Variants in SPATS2 observed in about 807,000 individuals in gnomAD.
SPATS2 encodes spermatogenesis-associated serine-rich protein 2.
Under a neutral mutation model 63.7 loss-of-function variants are expected in SPATS2, and 38 were observed. The observed-to-expected ratio is 0.60, with a 90% CI of 0.46 to 0.78. The LOEUF (loss-of-function observed/expected upper bound fraction) is 0.78, where lower values mean the gene tolerates loss of function less well. Among genes scored for constraint, SPATS2 ranks in the 30% least tolerant of loss-of-function variants. The pLI, the probability that SPATS2 is intolerant of heterozygous loss-of-function variation, is 0.00. For synonymous variants in SPATS2, 207 were observed against 232.9 expected (o/e 0.89, Z 1.01); for missense variants, 588 against 666.2 (o/e 0.88, Z 1.29).
chr12:49,460,973 A>T lies in SPATS2; in HGVS notation c.-40A>T, dbSNP rs1410045161. On this transcript the variant is annotated 5_prime_UTR_variant, in exon 3 of 14. Transcript: ENST00000552918. ...CTCAAAACCCAGACAAGGCAAAAGG[A>T]TACTTTTCTTGTATATTTTTTGAGA... The T allele has an allele frequency of 4.3e-6, 7 of 1,612,316 alleles. No individual in the cohort carries two copies. Among genetic ancestry groups the T allele is most frequent in the East Asian group, 4.5e-5 (2 of 44,818 alleles).
intron 3 of SPATS2, among the ~76,000 whole-genome samples, chr12:49,467,760 G>A (rs1324589902): frequency 6.6e-6 from 1 of 152,074 alleles, no homozygotes; most frequent in Non-Finnish European, 1.5e-5. Flanking sequence ...GTGCAGTGCA[G>A]TGGCGCGATC....
intron 2 of SPATS2, among the ~76,000 whole-genome samples, chr12:49,437,581 CCTCGGGAGGCCAAGG>C (rs1184821970): frequency 1.1e-3 from 172 of 152,340 alleles, no homozygotes; most frequent in African/African-American, 3.9e-3. Context: ...CATCCCGGCA[CCTCGGGAGGCCAAGG>C]CTGGCGGATC....
intron 8 of SPATS2, among the ~76,000 whole-genome samples, chr12:49,499,457 G>T (rs527767650): frequency 3.3e-5 from 5 of 151,244 alleles, no homozygotes; most frequent in Admixed American, 1.3e-4. Context: ...GTGGTTCTTT[G>T]GTTTTGTTTT....
chr12:49,426,328 T>G (rs1442677210), intron 2 of SPATS2, among the ~76,000 whole-genome samples: 3 of 152,152 alleles, frequency 2.0e-5, no homozygotes, highest in Admixed American at 6.5e-5. Context: ...GAAGCCCTCC[T>G]GTGCTCTGAC....
intron 2 of SPATS2, among the ~76,000 whole-genome samples, chr12:49,378,663 A>G (rs1944154993): frequency 6.6e-6 from 1 of 151,576 alleles, no homozygotes; most frequent in Non-Finnish European, 1.5e-5. Flanking sequence ...TGGCATGATC[A>G]TGGCTTACTG....
chr12:49,496,143 T>TA (rs1204611671), intron 7 of SPATS2, among the ~76,000 whole-genome samples: 1 of 152,226 alleles, frequency 6.6e-6, no homozygotes, highest in Non-Finnish European at 1.5e-5. Flanking sequence ...AAAAAAGACT[T>TA]AGAGAAAAAC....
At chr12:49,410,132 A>G (rs904971364) in intron 2 of SPATS2, among the ~76,000 whole-genome samples, 10 of 151,652 alleles carry the variant, frequency 6.6e-5, no homozygotes, top group South Asian at 2.1e-4. Context: ...CTGGAGTGCA[A>G]TGGTGCAGTC....
intron 2 of SPATS2, among the ~76,000 whole-genome samples, chr12:49,399,324 C>T (rs548430096): frequency 9.9e-5 from 15 of 152,220 alleles, no homozygotes; most frequent in Non-Finnish European, 1.9e-4. Context: ...ATTTTTATCT[C>T]CATTTCTGTA....
At chr12:49,416,359 C>T (rs1222556250) in intron 2 of SPATS2, among the ~76,000 whole-genome samples, 4 of 152,182 alleles carry the variant, frequency 2.6e-5, no homozygotes, top group African/African-American at 9.7e-5. Flanking sequence ...GAAGCCTTAA[C>T]AGCTGGTGTT....
At chr12:49,483,080 C>T (rs1055326284) in intron 3 of SPATS2, among the ~76,000 whole-genome samples, 1 of 145,750 alleles carries the variant, frequency 6.9e-6, no homozygotes, top group Non-Finnish European at 1.5e-5. Context: ...TGAACCACCA[C>T]ACCCAGCCTT....
chr12:49,520,654 A>T (rs1330615314), intron 11 of SPATS2, among the ~76,000 whole-genome samples: 1 of 152,174 alleles, frequency 6.6e-6, no homozygotes, highest in Non-Finnish European at 1.5e-5. Flanking sequence ...TTTTATAGAG[A>T]AAAATTATCT....
At chr12:49,499,669 C>T (rs1946530804) in intron 8 of SPATS2, among the ~76,000 whole-genome samples, 1 of 152,086 alleles carries the variant, frequency 6.6e-6, no homozygotes, top group African/African-American at 2.4e-5. Flanking sequence ...AGGGGGTCCA[C>T]CAGGCTGTTG....
At chr12:49,397,833 TA>T (rs989085737) in intron 2 of SPATS2, among the ~76,000 whole-genome samples, 314 of 82,332 alleles carry the variant, frequency 3.8e-3, no homozygotes, top group African/African-American at 9.3e-3. Flanking sequence ...CTTAGCTCTT[TA>T]AAAAAAAAAA....
intron 9 of SPATS2, among the ~76,000 whole-genome samples, chr12:49,511,775 T>C (rs778419004): frequency 6.6e-6 from 1 of 152,242 alleles, no homozygotes; most frequent in Non-Finnish European, 1.5e-5. Context: ...TTATTGTTTT[T>C]AATTGTAAAA....
chr12:49,367,048 G>C (rs1326035455), upstream of SPATS2: 1 of 152,298 alleles, frequency 6.6e-6, no homozygotes, highest in Non-Finnish European at 1.5e-5. Flanking sequence ...GGTGGCGCGC[G>C]AGCCTGCGGA....
chr12:49,489,375 A>G (rs1005977620), intron 4 of SPATS2, 90 bp from the exon 5 acceptor site: 1 of 907,448 alleles, frequency 1.1e-6, no homozygotes, highest in Non-Finnish European at 1.7e-6. Context: ...TAAAAATGAA[A>G]TATCACTCTT....
At chr12:49,422,237 C>A (rs938625123) in intron 2 of SPATS2, among the ~76,000 whole-genome samples, 2 of 152,142 alleles carry the variant, frequency 1.3e-5, no homozygotes, top group African/African-American at 4.8e-5. Context: ...CACCACTTAC[C>A]AGCTCTTTGT....
intron 2 of SPATS2, among the ~76,000 whole-genome samples, chr12:49,385,392 CAG>C (rs1944297052): frequency 9.2e-6 from 1 of 108,794 alleles, no homozygotes; most frequent in East Asian, 2.4e-4. Flanking sequence ...GTGTGTGTGG[CAG>C]AGACAGAGAT....
At chr12:49,390,031 G>T (rs7309610) in intron 2 of SPATS2, 3 of 956,172 alleles carry the variant, frequency 3.1e-6, no homozygotes, top group Non-Finnish European at 5.1e-6. Flanking sequence ...ACTTGAACAA[G>T]AAAACAAAGG....
Sources: allele counts gnomAD v4.1 joint callset (sites outside exome capture counted in the v4.1 genomes callset), GRCh38; gene constraint gnomAD v4.1.1; transcripts MANE v1.5; gene names NCBI Gene and HGNC (gene_info 2026-07-23, HGNC 2026-07-21).